The following CACNB2 variants were observed in gnomAD, a reference collection of about 807,000 sequenced individuals.
The protein encoded by CACNB2 is calcium voltage-gated channel auxiliary subunit beta 2, also known as voltage-dependent L-type calcium channel subunit beta-2.
In CACNB2, 42 loss-of-function variants were observed where a neutral mutation model predicts 73.3. That is an observed-to-expected ratio of 0.57 (90% CI 0.45 to 0.74). The LOEUF (loss-of-function observed/expected upper bound fraction) is 0.74, where lower values mean the gene tolerates loss of function less well. Among genes scored for constraint, CACNB2 ranks in the 30% least tolerant of loss-of-function variants. CACNB2 has a pLI of 0.00. For missense variants in CACNB2, 940 were observed against 853.0 expected (o/e 1.10, Z -1.27); for synonymous variants, 348 against 310.3 (o/e 1.12, Z -1.28).
At chr10:18,171,521 GAAAAAAA>G (rs370201485) in intron 2 of CACNB2, among the ~76,000 whole-genome samples, 45 of 32,598 alleles carry the variant, frequency 1.4e-3, no homozygotes, top group East Asian at 1.0e-2. Flanking sequence ...TTTGATAGCA[GAAAAAAA>G]AAAAAAAAAA....
At chr10:18,530,239 G>A (rs1045394365) in intron 10 of CACNB2, among the ~76,000 whole-genome samples, 2 of 152,120 alleles carry the variant, frequency 1.3e-5, no homozygotes, top group African/African-American at 4.8e-5. Flanking sequence ...GTACAGACTG[G>A]AGGCATTCAT....
intron 2 of CACNB2, among the ~76,000 whole-genome samples, chr10:18,196,441 C>T (rs185748531): frequency 3.9e-5 from 6 of 152,094 alleles, no homozygotes; most frequent in African/African-American, 7.2e-5. Flanking sequence ...CTCAGCCTCC[C>T]GAGTAGCTGG....
At chr10:18,291,585 C>G (rs1186622091) in intron 2 of CACNB2, among the ~76,000 whole-genome samples, 1 of 152,170 alleles carries the variant, frequency 6.6e-6, no homozygotes, top group Non-Finnish European at 1.5e-5. Flanking sequence ...GTTACTTTCG[C>G]TGTTACTTAT....
At chr10:18,438,205 A>AT (rs1272929153) in intron 3 of CACNB2, among the ~76,000 whole-genome samples, 1 of 60,346 alleles carries the variant, frequency 1.7e-5, no homozygotes, top group Non-Finnish European at 3.4e-5. Context: ...TTTTTTTTGT[A>AT]TTTTTAGTAG....
chr10:18,299,361 G>T (rs559359241), intron 2 of CACNB2, among the ~76,000 whole-genome samples: 1 of 152,266 alleles, frequency 6.6e-6, no homozygotes, highest in South Asian at 2.1e-4. Flanking sequence ...GGGAAAGTGT[G>T]AGTTTTCCCA....
At chr10:18,506,143 G>T (rs1291521906) in intron 5 of CACNB2, among the ~76,000 whole-genome samples, 2 of 152,138 alleles carry the variant, frequency 1.3e-5, no homozygotes, top group African/African-American at 2.4e-5. Context: ...GCCTCTGAGG[G>T]TCTCTAAAAT....
chr10:18,443,729 T>TC (rs1473831074), intron 3 of CACNB2, among the ~76,000 whole-genome samples: 1 of 151,206 alleles, frequency 6.6e-6, no homozygotes, highest in Non-Finnish European at 1.5e-5. Context: ...TTTTTTTTTT[T>TC]TTTTAAACAG....
intron 2 of CACNB2, among the ~76,000 whole-genome samples, chr10:18,397,489 G>T (rs1281136647): frequency 6.6e-6 from 1 of 151,616 alleles, no homozygotes; most frequent in Non-Finnish European, 1.5e-5. Context: ...AAAAGAAAGG[G>T]TGACGCTTTC....
intron 9 of CACNB2, among the ~76,000 whole-genome samples, 166 bp from the exon 10 acceptor site, chr10:18,527,422 A>G (rs192303710): frequency 5.6e-4 from 86 of 152,284 alleles, no homozygotes; most frequent in African/African-American, 1.6e-3. Context: ...ATAAAAATGA[A>G]TAAGTAAAAA....
At chr10:18,237,577 A>T (rs762654090) in intron 2 of CACNB2, among the ~76,000 whole-genome samples, 1 of 152,164 alleles carries the variant, frequency 6.6e-6, no homozygotes, top group African/African-American at 2.4e-5. Flanking sequence ...AACTGGAGAG[A>T]GTGTATTTCC....
At chr10:18,304,645 A>C in intron 2 of CACNB2, among the ~76,000 whole-genome samples, 1 of 152,140 alleles carries the variant, frequency 6.6e-6, no homozygotes, top group Non-Finnish European at 1.5e-5. Context: ...CAGCGAACAC[A>C]ACCTTGACTT....
At position 18,523,125 on chromosome 10, in the gene CACNB2, G is replaced by A. The variant is rs181709932; in HGVS notation, c.944+4157G>A. ...ACCAAGGCTACTAGGCACTGGCCAA[G>A]TATAAAAGGCATAGCTCTACTCTGC... On this transcript the variant is annotated intron_variant, in intron 9 of 13. Transcript: ENST00000324631. Among the ~76,000 whole-genome samples, 5 of 152,224 alleles carry A rather than the reference G, an allele frequency of 3.3e-5. No individual in the cohort carries two copies. The East Asian group carries it at 7.7e-4, about 24-fold the overall frequency.
Position 18,506,641 on chromosome 10 carries a change from C to G in CACNB2, c.670+94C>G, listed in dbSNP as rs2050503558. The G allele has an allele frequency of 1.0e-5, 8 of 792,520 alleles. No individual in the cohort carries two copies. The Admixed American group carries it at 1.5e-4, about 15-fold the overall frequency. 49.1% of individuals were successfully genotyped at this position (792,520 alleles called of 1,614,324 possible). A position where few individuals can be genotyped will look rare whatever the true frequency, so the allele number is the denominator to read the frequency against. On this transcript the variant is annotated intron_variant, in intron 6 of 13. Coordinates refer to ENST00000324631, the MANE Select transcript of CACNB2 (RefSeq NM_201596.3). ...GTGAATTTACGTATACACTGAATCA[C>G]TATGTTAACCCTACAGATGTTAAAA...
chr10:18,537,680 G>C (rs1799704544), intron 12 of CACNB2, among the ~76,000 whole-genome samples: 1 of 151,958 alleles, frequency 6.6e-6, no homozygotes, highest in Non-Finnish European at 1.5e-5. Context: ...GAGAAGCTGA[G>C]GCAGGAAAAT....
chr10:18,149,931 A>G (rs1030311219), intron 1 of CACNB2, among the ~76,000 whole-genome samples: 6 of 152,212 alleles, frequency 3.9e-5, no homozygotes, highest in African/African-American at 1.2e-4. Flanking sequence ...TATTTCATCT[A>G]ATACTTAACC....
At chr10:18,236,089 A>G (rs1417708198) in intron 2 of CACNB2, among the ~76,000 whole-genome samples, 1 of 152,166 alleles carries the variant, frequency 6.6e-6, no homozygotes, top group Non-Finnish European at 1.5e-5. Context: ...TGGAACCGTG[A>G]GCCAATTAAA....
chr10:18,184,745 G>C (rs1327395795), intron 2 of CACNB2, among the ~76,000 whole-genome samples: 2 of 148,178 alleles, frequency 1.3e-5, no homozygotes, highest in African/African-American at 5.0e-5. Context: ...TTAAGTTCTA[G>C]GATACAGGTG....
chr10:18,251,316 C>T (rs2037081676), intron 2 of CACNB2, among the ~76,000 whole-genome samples: 1 of 151,944 alleles, frequency 6.6e-6, no homozygotes, highest in Non-Finnish European at 1.5e-5. Context: ...ATGATCTCAG[C>T]TCACTGCAAC....
At chr10:18,370,497 G>C (rs986572469) in intron 2 of CACNB2, among the ~76,000 whole-genome samples, 2 of 152,088 alleles carry the variant, frequency 1.3e-5, no homozygotes, top group Non-Finnish European at 1.5e-5. Flanking sequence ...ACAGGGTTTC[G>C]CCATGTTGGC....
Sources: gnomAD v4.1 joint callset for allele counts (sites outside exome capture counted in the v4.1 genomes callset) on GRCh38, gnomAD v4.1.1 for gene constraint, MANE v1.5 for transcripts, NCBI Gene and HGNC (gene_info 2026-07-23, HGNC 2026-07-21) for gene names.